The following GDAP1 variants were observed in gnomAD, a reference collection of about 807,000 sequenced individuals.
GDAP1 encodes ganglioside induced differentiation associated protein 1.
GDAP1 carries 34 observed loss-of-function variants against 40.1 expected under a neutral mutation model. The observed-to-expected ratio is 0.85, with a 90% CI of 0.64 to 1.13. The LOEUF is 1.13. Among genes scored for constraint, GDAP1 ranks in the 50% most tolerant of loss-of-function variants. The probability of loss-of-function intolerance (pLI) is 0.00; values close to 1 mark genes in which losing one functional copy is unlikely to be tolerated. For missense variants in GDAP1, 374 were observed against 433.7 expected, an observed-to-expected ratio of 0.86 and a Z score of 1.22; for synonymous variants, 170 against 157.4, an observed-to-expected ratio of 1.08 and a Z score of -0.60.
chr8:74,367,801 A>G (rs1414396183), downstream of GDAP1, among the ~76,000 whole-genome samples: 1 of 152,188 alleles, frequency 6.6e-6, no homozygotes, highest in Non-Finnish European at 1.5e-5. Flanking sequence ...AAGGAGTGAA[A>G]GAACTCAGTT....
intron 2 of GDAP1, among the ~76,000 whole-genome samples, chr8:74,351,710 TAAAA>T (rs1425096118): frequency 9.1e-6 from 1 of 109,674 alleles, no homozygotes. Flanking sequence ...TGTTGAAACT[TAAAA>T]AAATTCACTT....
rs1372058589 is a variant in GDAP1 at position 74,417,801 on chromosome 8, A to G, written c.165+66480A>G. 2.7e-5 allele frequency among the ~76,000 whole-genome samples: 4 copies of G among 150,314 alleles called. 1 individual carries two copies. The highest frequency in any genetic ancestry group is 9.9e-5 in the African/African-American group (4 of 40,250). Reference sequence around the variant, plus strand: ...AAAAGGAAAAGAAAAAGAAAATCCCAAGATGAATATAAACAAATATTGTAA... The same window carrying G: ...AAAAGGAAAAGAAAAAGAAAATCCCGAGATGAATATAAACAAATATTGTAA... On this transcript the variant is annotated intron_variant, in intron 2 of 2. Transcript: ENST00000523640.
chr8:74,422,126 C>A lies in GDAP1; in HGVS notation c.166-66552C>A, dbSNP rs577396331. On this transcript the variant is annotated intron_variant, in intron 2 of 2. Coordinates refer to the GDAP1 transcript ENST00000523640. ...AACATAATTAGCCTTTTCTTTCTTG[C>A]TTTTTCATTTTCTTTCTTTCCTTCT... Among the ~76,000 whole-genome samples, 15 of 151,940 alleles carry A rather than the reference C, an allele frequency of 9.9e-5. No individual in the cohort carries two copies. The South Asian group carries it at 2.9e-3, about 29-fold the overall frequency.
At chr8:74,415,258 GTTC>G (rs2085509300) in intron 2 of GDAP1, among the ~76,000 whole-genome samples, 1 of 150,180 alleles carries the variant, frequency 6.7e-6, no homozygotes, top group South Asian at 2.1e-4. Flanking sequence ...TAGATGATGA[GTTC>G]TTCTAAGTAA....
chr8:74,444,020 ATCT>A (rs1806197670), intron 2 of GDAP1, among the ~76,000 whole-genome samples: 1 of 101,458 alleles, frequency 9.9e-6, no homozygotes, highest in Non-Finnish European at 2.1e-5. Context: ...CTATCTATCT[ATCT>A]ATCATCTATC....
At position 74,364,501 on chromosome 8, in the gene GDAP1, C is replaced by A; in HGVS notation, c.*134C>A. On this transcript the variant is annotated 3_prime_UTR_variant, in exon 6 of 6. Transcript: ENST00000220822. ...TAAAATTCAGAAGTCATCTTTGTTACACAACACAGGGGTTCAGGTAGCAAT... is the reference window on the plus strand; with the variant it reads ...TAAAATTCAGAAGTCATCTTTGTTAAACAACACAGGGGTTCAGGTAGCAAT... 1 of 915,608 alleles carries A rather than the reference C, an allele frequency of 1.1e-6. No individual in the cohort carries two copies. Among genetic ancestry groups the A allele is most frequent in the Non-Finnish European group, 1.8e-6 (1 of 567,428 alleles). 56.7% of individuals were successfully genotyped at this position (915,608 alleles called of 1,614,324 possible). A position where few individuals can be genotyped will look rare whatever the true frequency, so the allele number is the denominator to read the frequency against.
Position 74,389,157 on chromosome 8 carries a change from T to G in GDAP1, c.165+37836T>G, listed in dbSNP as rs1810070923. 1.3e-5 allele frequency among the ~76,000 whole-genome samples: 2 copies of G among 152,180 alleles called. 1 individual carries two copies. Among genetic ancestry groups the G allele is most frequent in the South Asian group, 4.1e-4 (2 of 4,828 alleles). On this transcript the variant is annotated intron_variant, in intron 2 of 2. Transcript: ENST00000523640. ...TAATGTGCCAGTCTGTGTCTTTAATTGAGGCATTTAGCCCATTTACATTTA... is the reference window on the plus strand; with the variant it reads ...TAATGTGCCAGTCTGTGTCTTTAATGGAGGCATTTAGCCCATTTACATTTA...
At chr8:74,479,986 CTTTTTTTT>C (rs71271807) in intron 2 of GDAP1, among the ~76,000 whole-genome samples, 15 of 102,930 alleles carry the variant, frequency 1.5e-4, no homozygotes, top group African/African-American at 1.7e-4. Context: ...AATGGACTCT[CTTTTTTTT>C]TTTTTTTTTT....
intron 2 of GDAP1, among the ~76,000 whole-genome samples, chr8:74,372,587 A>G (rs538661512): frequency 2.6e-5 from 4 of 152,326 alleles, no homozygotes; most frequent in Non-Finnish European, 5.9e-5. Flanking sequence ...GTGTCTGTTC[A>G]TATCCTTCGC....
intron 2 of GDAP1, among the ~76,000 whole-genome samples, chr8:74,486,917 AC>A (rs1806783095): frequency 6.6e-6 from 1 of 152,166 alleles, no homozygotes; most frequent in Non-Finnish European, 1.5e-5. Context: ...CATACTAGAA[AC>A]ATGAATAGGC....
At chr8:74,390,524 A>G (rs1216673487) in intron 2 of GDAP1, among the ~76,000 whole-genome samples, 1 of 152,194 alleles carries the variant, frequency 6.6e-6, no homozygotes, top group Non-Finnish European at 1.5e-5. Context: ...CAGAACAGCA[A>G]AGATTGCTCC....
chr8:74,443,654 A>T (rs1563471550), intron 2 of GDAP1, among the ~76,000 whole-genome samples: 1 of 152,024 alleles, frequency 6.6e-6, no homozygotes, highest in Non-Finnish European at 1.5e-5. Context: ...CAAAATCCAG[A>T]CTTCTAAGAT....
chr8:74,442,221 G>A (rs1806170705), intron 2 of GDAP1, among the ~76,000 whole-genome samples: 1 of 152,204 alleles, frequency 6.6e-6, no homozygotes. Context: ...ACAATACGGG[G>A]AAATACTTTG....
chr8:74,351,511 C>T (rs2131496519), intron 2 of GDAP1, 45 bp downstream of exon 2: 1 of 1,286,144 alleles, frequency 7.8e-7, no homozygotes, highest in Non-Finnish European at 1.1e-6. Flanking sequence ...ACTTTCAACA[C>T]AACTATGTGT....
chr8:74,437,031 A>G (rs2131568799), intron 2 of GDAP1, among the ~76,000 whole-genome samples: 1 of 152,312 alleles, frequency 6.6e-6, no homozygotes, highest in South Asian at 2.1e-4. Context: ...GGCTGGAAAG[A>G]CAGACTTATA....
At chr8:74,356,433 A>G (rs902364600) in intron 2 of GDAP1, among the ~76,000 whole-genome samples, 2 of 152,166 alleles carry the variant, frequency 1.3e-5, no homozygotes, top group African/African-American at 2.4e-5. Flanking sequence ...CATTTAATGT[A>G]TAGTGCATAA....
At chr8:74,411,849 T>C (rs2131554228) in intron 2 of GDAP1, among the ~76,000 whole-genome samples, 1 of 149,504 alleles carries the variant, frequency 6.7e-6, no homozygotes, top group South Asian at 2.1e-4. Flanking sequence ...ACCACTGCCC[T>C]CCAGTCTGAG....
At chr8:74,386,441 A>G (rs1810026581) in intron 2 of GDAP1, among the ~76,000 whole-genome samples, 1 of 152,224 alleles carries the variant, frequency 6.6e-6, no homozygotes, top group Non-Finnish European at 1.5e-5. Context: ...TTTATTAAAT[A>G]GGGAATCCTT....
chr8:74,471,763 C>T (rs994320243), intron 2 of GDAP1, among the ~76,000 whole-genome samples: 2 of 152,056 alleles, frequency 1.3e-5, no homozygotes, highest in African/African-American at 2.4e-5. Context: ...TCATTGTAAT[C>T]GTGCAGTCTG....
Sources: allele counts gnomAD v4.1 joint callset (sites outside exome capture counted in the v4.1 genomes callset), GRCh38; gene constraint gnomAD v4.1.1; transcripts MANE v1.5; gene names NCBI Gene and HGNC (gene_info 2026-07-23, HGNC 2026-07-21).